The following NLRP3 variants were observed in gnomAD, a reference collection of about 807,000 sequenced individuals.
NLRP3 encodes the protein NACHT, LRR and PYD domains-containing protein 3.
Under a neutral mutation model 91.3 loss-of-function variants are expected in NLRP3, and 48 were observed. The observed-to-expected ratio is 0.53, with a 90% CI of 0.42 to 0.67. The LOEUF is 0.67. Among genes scored for constraint, NLRP3 ranks in the 30% least tolerant of loss-of-function variants. The probability of loss-of-function intolerance (pLI) is 0.00; values close to 1 mark genes in which losing one functional copy is unlikely to be tolerated. For synonymous variants in NLRP3, 561 were observed against 507.9 expected (o/e 1.10, Z -1.41); for missense variants, 982 against 1,276.9 (o/e 0.77, Z 3.52).
At chr1:247,419,971 A>C (rs899897385) in intron 2 of NLRP3, among the ~76,000 whole-genome samples, 2 of 152,200 alleles carry the variant, frequency 1.3e-5, no homozygotes, top group African/African-American at 4.8e-5. Flanking sequence ...AATTCTGTTA[A>C]ATATTTTGAA....
rs752518101 is a variant in NLRP3 at position 247,423,218 on chromosome 1, T to C, written c.278-12T>C. Reference sequence around the variant, plus strand: ...TAGTTCTGGGTTTTGACACCTTTTTTTTCCCTTTTAGGTTCAGATAATGCA... The same window carrying C: ...TAGTTCTGGGTTTTGACACCTTTTTCTTCCCTTTTAGGTTCAGATAATGCA... On this transcript the variant is annotated splice_polypyrimidine_tract_variant and intron_variant, in intron 2 of 9. Transcript: ENST00000336119. 1 of 1,613,942 alleles carries C rather than the reference T, an allele frequency of 6.2e-7. No individual in the cohort carries two copies. Among genetic ancestry groups the C allele is most frequent in the African/African-American group, 1.3e-5 (1 of 74,924 alleles).
chr1:247,429,083 G>C (rs1386941280), intron 4 of NLRP3, among the ~76,000 whole-genome samples: 2 of 151,960 alleles, frequency 1.3e-5, no homozygotes, highest in Admixed American at 1.3e-4. Flanking sequence ...AGTAGAGAGA[G>C]GGTTTCACCA....
rs72082521 is a variant in NLRP3, at chr1:247,439,045, C to CATCCATCCATCCATCCATCCATCCATCT, written c.2663+2920_2663+2921insCATCCATCCATCTATCCATCCATCCATC. Among the ~76,000 whole-genome samples, 14 of 150,488 alleles carry CATCCATCCATCCATCCATCCATCCATCT rather than the reference C, an allele frequency of 9.3e-5. No homozygotes were observed. In the South Asian group the frequency reaches 1.3e-3, roughly 14 times the overall value. ...CCATCCATCCATCCATCCATCCATCCATCCATCCATCCATCAATCCATCCA... is the reference window on the plus strand; with the variant it reads ...CCATCCATCCATCCATCCATCCATCCATCCATCCATCCATCCATCCATCCATCTATCCATCCATCCATCAATCCATCCA... On this transcript the variant is annotated intron_variant, in intron 7 of 9. Coordinates refer to ENST00000336119, the MANE Select transcript of NLRP3 (RefSeq NM_001243133.2).
chr1:247,425,657 C>T lies in NLRP3; in HGVS notation c.2150+58C>T, dbSNP rs545034734. On this transcript the variant is annotated intron_variant, in intron 4 of 9. Transcript: ENST00000336119. The surrounding 1 kb of genome is among the most constrained non-coding windows in gnomAD (Gnocchi z 4.1). ...TGCTTCCTCGCCAGCTTCTTCTTGG[C>T]GCTTGCCTCCTCTCATCTCTTTTCA... 28 of 1,506,292 alleles carry T rather than the reference C, an allele frequency of 1.9e-5. No individual in the cohort carries two copies. The highest frequency in any genetic ancestry group is 1.9e-5 in the Non-Finnish European group (21 of 1,097,030). 93.3% of individuals were successfully genotyped at this position (1,506,292 alleles called of 1,614,324 possible). A position where few individuals can be genotyped will look rare whatever the true frequency, so the allele number is the denominator to read the frequency against.
chr1:247,417,591 C>G (rs895777184), intron 1 of NLRP3, among the ~76,000 whole-genome samples: 1 of 152,110 alleles, frequency 6.6e-6, no homozygotes, highest in African/African-American at 2.4e-5. Context: ...AAGCGATTCT[C>G]CTGCCTCAGC....
At position 247,423,252 on chromosome 1, in the gene NLRP3, G is replaced by A. The variant is rs149161277; in HGVS notation, c.300G>A (p.Ser100=). ...PKWGSDNARV[S]NPTVICQEDS... is the part of the protein sequence containing the mutation. Reference sequence around the variant, plus strand: ...TAGGTTCAGATAATGCACGTGTTTCGAATCCCACTGTGATATGCCAGGAAG... The same window carrying A: ...TAGGTTCAGATAATGCACGTGTTTCAAATCCCACTGTGATATGCCAGGAAG... Residue 100 remains serine, a synonymous_variant, in exon 3 of 10, where the codon TCG becomes TCA. Coordinates refer to ENST00000336119, the MANE Select transcript of NLRP3 (RefSeq NM_001243133.2). 328 of 1,611,176 alleles carry A rather than the reference G, an allele frequency of 2.0e-4. 1 individual carries two copies. In the Admixed American group the frequency reaches 5.0e-3, roughly 25 times the overall value.
intron 9 of NLRP3, among the ~76,000 whole-genome samples, 188 bp from the exon 10 acceptor site, chr1:247,448,214 TCGG>T (rs1224182860): frequency 2.7e-5 from 4 of 150,726 alleles, no homozygotes; most frequent in African/African-American, 4.9e-5. Flanking sequence ...CATCTTGGTC[TCGG>T]CGGCGGCGAC....
chr1:247,436,681 T>C (rs749552907), intron 7 of NLRP3, among the ~76,000 whole-genome samples: 2 of 152,230 alleles, frequency 1.3e-5, no homozygotes, highest in Non-Finnish European at 2.9e-5. Context: ...CCAGACCTGA[T>C]GATGCATGGT....
chr1:247,428,093 T>A (rs950305651), intron 4 of NLRP3, among the ~76,000 whole-genome samples: 11 of 148,984 alleles, frequency 7.4e-5, no homozygotes, highest in African/African-American at 2.5e-4. Context: ...TTTCTCTAGA[T>A]AGCACCTTCC....
chr1:247,430,128 G>A (rs1480408350), intron 5 of NLRP3, among the ~76,000 whole-genome samples: 3 of 152,024 alleles, frequency 2.0e-5, no homozygotes, highest in Non-Finnish European at 2.9e-5. Context: ...CGCCCGCCTC[G>A]GCCTCCCAAA....
In NLRP3 at chr1:247,423,978, A is replaced by G; in HGVS notation, c.529A>G (p.Ser177Gly). ...TRLRLIKEHR[S>G]QQEREQELLA... ...ACTGCGTCTCATCAAGGAGCACCGGAGCCAGCAGGAGAGGGAGCAGGAGCT... is the reference window on the plus strand; with the variant it reads ...ACTGCGTCTCATCAAGGAGCACCGGGGCCAGCAGGAGAGGGAGCAGGAGCT... The change falls in exon 4 of 10, where the codon AGC becomes GGC. Residue 177 changes from serine (S) to glycine (G), a missense_variant. By Grantham distance (56) the Ser-to-Gly change is moderately conservative (BLOSUM62 0). Coordinates refer to ENST00000336119, the MANE Select transcript of NLRP3 (RefSeq NM_001243133.2). 1 of 1,614,070 alleles carries G rather than the reference A, an allele frequency of 6.2e-7. No homozygotes were observed. The highest frequency in any genetic ancestry group is 8.5e-7 in the Non-Finnish European group (1 of 1,180,002).
intron 1 of NLRP3, among the ~76,000 whole-genome samples, chr1:247,417,721 G>A (rs961128620): frequency 1.1e-4 from 17 of 152,044 alleles, no homozygotes; most frequent in African/African-American, 4.1e-4. Context: ...CCTGACCTCA[G>A]GTGATCCGCC....
chr1:247,445,329 T>C (rs907194601), intron 9 of NLRP3, among the ~76,000 whole-genome samples: 1 of 151,942 alleles, frequency 6.6e-6, no homozygotes, highest in African/African-American at 2.4e-5. Context: ...GCCTCCCAAG[T>C]AGCTGGGACC....
chr1:247,444,849 G>T, intron 9 of NLRP3, 28 bp downstream of exon 9: 1 of 1,610,944 alleles, frequency 6.2e-7, no homozygotes, highest in South Asian at 1.1e-5. Flanking sequence ...AGATGCCCGT[G>T]GTGGGACTCT....
intron 7 of NLRP3, among the ~76,000 whole-genome samples, chr1:247,437,897 G>C (rs772953809): frequency 1.3e-5 from 2 of 152,246 alleles, no homozygotes; most frequent in Admixed American, 1.3e-4. Flanking sequence ...GAGCCCTCCA[G>C]GCAAAGCAGA....
At position 247,425,253 on chromosome 1, in the gene NLRP3, A is replaced by T; in HGVS notation, c.1804A>T (p.Ile602Phe). The T allele has an allele frequency of 6.2e-7, 1 of 1,614,216 alleles. No individual in the cohort carries two copies. Residue 602 changes from isoleucine to phenylalanine, a missense_variant, in exon 4 of 10, where the codon ATC (isoleucine) becomes TTC (phenylalanine). Transcript: ENST00000336119. This position sits in a 1 kb window ranked among gnomAD's most constrained non-coding sequence, Gnocchi z 4.1. ...ATTAAGTTGCAAGATCTCTCAGCAA[A>T]TCAGGCTGGAGCTGCTGAAATGGAT... ...KKLSCKISQQ[I>F]RLELLKWIEV...
chr1:247,433,242 G>C (rs1490872626), intron 5 of NLRP3, among the ~76,000 whole-genome samples: 1 of 152,044 alleles, frequency 6.6e-6, no homozygotes, highest in East Asian at 1.9e-4. Context: ...AAAAGAATCA[G>C]AGCTGCTTTT....
chr1:247,419,069 C>G lies in NLRP3; in HGVS notation c.269C>G (p.Pro90Arg), dbSNP rs145774400. 1.2e-6 allele frequency: 2 copies of G among 1,610,022 alleles called. No individual in the cohort carries two copies. Among genetic ancestry groups the G allele is most frequent in the Non-Finnish European group, 1.7e-6 (2 of 1,179,890 alleles). Residue 90 changes from proline (P) to arginine (R), a missense_variant, in exon 2 of 10, where the codon CCG becomes CGG. By Grantham distance (103) the Pro-to-Arg change is moderately radical (BLOSUM62 -2). Coordinates refer to ENST00000336119, the MANE Select transcript of NLRP3 (RefSeq NM_001243133.2). ...TATGAGAAAGCAAAAAGAGATGAGC[C>G]GAAGTGGGGTGAGTGGAAGGAAGAC... is the stretch of plus-strand genomic sequence containing the variant. ...DLYEKAKRDE[P>R]KWGSDNARVS...
intron 5 of NLRP3, among the ~76,000 whole-genome samples, chr1:247,431,991 T>C (rs1663367568): frequency 6.6e-6 from 1 of 152,092 alleles, no homozygotes; most frequent in Non-Finnish European, 1.5e-5. Flanking sequence ...ATCCACCTCC[T>C]GGGTTCAAGC....
Sources: gnomAD v4.1 joint callset for allele counts (sites outside exome capture counted in the v4.1 genomes callset) on GRCh38, gnomAD v4.1.1 for gene constraint, Gnocchi (gnomAD v3.1) non-coding constraint, MANE v1.5 for transcripts, NCBI Gene and HGNC (gene_info 2026-07-23, HGNC 2026-07-21) for gene names.